KNOP1: variants seen among roughly 807,000 people sequenced by gnomAD.
The protein encoded by KNOP1 is lysine rich nucleolar protein 1.
In KNOP1, 20 loss-of-function variants were observed where a neutral mutation model predicts 30.6. The ratio of observed to expected loss-of-function variants is 0.65; its 90% CI spans 0.46 to 0.95. The LOEUF is 0.95. Among genes scored for constraint, KNOP1 ranks in the 40% least tolerant of loss-of-function variants. The pLI, the probability that KNOP1 is intolerant of heterozygous loss-of-function variation, is 0.00. For missense variants in KNOP1, 540 were observed against 562.0 expected (o/e 0.96, Z 0.40); for synonymous variants, 204 against 210.0 (o/e 0.97, Z 0.25).
At position 19,702,996 on chromosome 16, in the gene KNOP1, T is replaced by C; in HGVS notation, c.*3914A>G. ...GGCGTGGAGTGAGAGTGAGACTGTC[T>C]CAAAAAAAAAAAAAGAAAGAAAAAC... On this transcript the variant is annotated 3_prime_UTR_variant, in exon 5 of 5. Transcript: ENST00000219837. The C allele has an allele frequency of 7.8e-6, 1 of 128,256 alleles. No individual in the cohort carries two copies. Among genetic ancestry groups the C allele is most frequent in the Admixed American group, 7.3e-5 (1 of 13,738 alleles). The allele number at this position is 128,256 out of a possible 1,614,324, so 7.9% of individuals were successfully genotyped here.
intron 1 of KNOP1, among the ~76,000 whole-genome samples, chr16:19,716,951 T>G (rs1304330548): frequency 6.6e-6 from 1 of 152,226 alleles, no homozygotes; most frequent in Non-Finnish European, 1.5e-5. Context: ...CAAGCAATTT[T>G]CACGCCTCAG....
rs74696620 is a variant in KNOP1 at position 19,708,445 on chromosome 16, T to G, written c.1066-1224A>C. 3.8e-3 allele frequency among the ~76,000 whole-genome samples: 567 copies of G among 149,016 alleles called. 2 individuals are homozygous for G. Among genetic ancestry groups the G allele is most frequent in the Non-Finnish European group, 5.0e-3 (336 of 67,406 alleles). On this transcript the variant is annotated intron_variant, in intron 4 of 4. Transcript: ENST00000219837. ...GTGACCCTGCTCAAGTCCCCTAACC[T>G]CTCTAAGCCTTGGTGCCCTCATCTC...
chr16:19,714,038 T>C, intron 2 of KNOP1, 80 bp downstream of exon 2: 2 of 1,253,350 alleles, frequency 1.6e-6, no homozygotes, highest in Non-Finnish European at 2.2e-6. Flanking sequence ...TGTACAAACA[T>C]GCACACACGC....
intron 4 of KNOP1, 81 bp downstream of exon 4, chr16:19,710,428 C>T (rs771797332): frequency 7.2e-7 from 1 of 1,383,100 alleles, no homozygotes; most frequent in East Asian, 2.3e-5. Context: ...TCTCCTGCTC[C>T]ACTCCTCATG....
Position 19,706,192 on chromosome 16 carries a change from A to G in KNOP1, c.*718T>C. On this transcript the variant is annotated 3_prime_UTR_variant, in exon 5 of 5. Transcript: ENST00000219837. ...CGATTCTCCGTTCCTCATTCACTCC[A>G]CTTTTTATCAGAGATGCAGACTTGT... 6.6e-6 allele frequency: 1 copy of G among 152,482 alleles called. No homozygotes were observed. The highest frequency in any genetic ancestry group is 2.1e-4 in the South Asian group (1 of 4,826). The allele number at this position is 152,482 out of a possible 1,614,324, so 9.4% of individuals were successfully genotyped here.
chr16:19,715,912 C>T (rs1977036118), intron 1 of KNOP1, among the ~76,000 whole-genome samples: 1 of 152,216 alleles, frequency 6.6e-6, no homozygotes, highest in Admixed American at 6.5e-5. Flanking sequence ...AGCCAAGTTC[C>T]TGCACTAGAC....
chr16:19,709,239 G>T (rs1392092110), intron 4 of KNOP1, among the ~76,000 whole-genome samples: 2 of 152,184 alleles, frequency 1.3e-5, no homozygotes, highest in Non-Finnish European at 2.9e-5. Flanking sequence ...GACAGTGGCA[G>T]AGCCAGTAGT....
rs767145269 is a variant in KNOP1, at chr16:19,704,104, CAG to C, written c.*2804_*2805del. ...AGTTTTTTTTTGTTTGTTTTTGAGACAGAGTCTCATTCTGTTGCCCGGGGCTA... is the reference window on the plus strand; with the variant it reads ...AGTTTTTTTTTGTTTGTTTTTGAGACAGTCTCATTCTGTTGCCCGGGGCTA... On this transcript the variant is annotated 3_prime_UTR_variant, in exon 5 of 5. Transcript: ENST00000219837. 2 of 152,198 alleles carry C rather than the reference CAG, an allele frequency of 1.3e-5. No individual in the cohort carries two copies. The highest frequency in any genetic ancestry group is 1.5e-5 in the Non-Finnish European group (1 of 68,120). 9.4% of individuals were successfully genotyped at this position (152,198 alleles called of 1,614,324 possible).
In KNOP1 at chr16:19,706,395, G is replaced by A. The variant is rs1217739589; in HGVS notation, c.*515C>T. On this transcript the variant is annotated 3_prime_UTR_variant, in exon 5 of 5. Transcript: ENST00000219837. ...CAGGCAATTTTATTACTTTATCCCT[G>A]AACCTCAGTTGCCTCATCTATAAGA... 1 of 153,574 alleles carries A rather than the reference G, an allele frequency of 6.5e-6. No individual in the cohort carries two copies. Among genetic ancestry groups the A allele is most frequent in the East Asian group, 1.9e-4 (1 of 5,190 alleles). 9.5% of individuals were successfully genotyped at this position (153,574 alleles called of 1,614,324 possible).
At chr16:19,708,735 G>A (rs574281982) in intron 4 of KNOP1, among the ~76,000 whole-genome samples, 1 of 152,246 alleles carries the variant, frequency 6.6e-6, no homozygotes, top group South Asian at 2.1e-4. Flanking sequence ...TGAGTGAACC[G>A]GTGACACATT....
At position 19,703,766 on chromosome 16, in the gene KNOP1, T is replaced by G. The variant is rs1976255092; in HGVS notation, c.*3144A>C. The G allele has an allele frequency of 6.6e-6, 1 of 152,180 alleles. No individual in the cohort carries two copies. The highest frequency in any genetic ancestry group is 1.5e-5 in the Non-Finnish European group (1 of 68,052). 9.4% of individuals were successfully genotyped at this position (152,180 alleles called of 1,614,324 possible). A position where few individuals can be genotyped will look rare whatever the true frequency, so the allele number is the denominator to read the frequency against. ...TCATCTGAGAGATGGTGATCTGCAC[T>G]GGCAGAAAGCAAAAGGACAAGATTA... On this transcript the variant is annotated 3_prime_UTR_variant, in exon 5 of 5. Coordinates refer to ENST00000219837, the MANE Select transcript of KNOP1 (RefSeq NM_001012991.3).
At position 19,706,838 on chromosome 16, in the gene KNOP1, A is replaced by T; in HGVS notation, c.*72T>A. 6.6e-7 allele frequency: 1 copy of T among 1,526,340 alleles called. No individual in the cohort carries two copies. The highest frequency in any genetic ancestry group is 2.1e-5 in the Admixed American group (1 of 46,868). The allele number at this position is 1,526,340 out of a possible 1,614,324, so 94.5% of individuals were successfully genotyped here. A position where few individuals can be genotyped will look rare whatever the true frequency, so the allele number is the denominator to read the frequency against. ...AAGATCTGATTTTTTCACAAAAAAA[A>T]TTTGTAATCTCCAGCATAAATGGAA... On this transcript the variant is annotated 3_prime_UTR_variant, in exon 5 of 5. Transcript: ENST00000219837.
chr16:19,711,342 G>A (rs1355126625), intron 3 of KNOP1, 30 bp downstream of exon 3: 5 of 1,611,224 alleles, frequency 3.1e-6, no homozygotes, highest in South Asian at 2.2e-5. Flanking sequence ...GGAGGCAGCG[G>A]GAGGGGCCTG....
In KNOP1 at chr16:19,711,447, G is replaced by C. The variant is rs1277249671; in HGVS notation, c.919-7C>G. 1.9e-6 allele frequency: 3 copies of C among 1,614,044 alleles called. No homozygotes were observed. The Admixed American group carries it at 5.0e-5, about 27-fold the overall frequency. ...CTAAGTCCGTGTCTGTTTCCTGCAG[G>C]AGAGGGCAGAGCTGGCTAAGGTTCA... On this transcript the variant is annotated splice_region_variant and splice_polypyrimidine_tract_variant and intron_variant, in intron 2 of 4. Transcript: ENST00000219837.
Sources: gnomAD v4.1 joint callset for allele counts (sites outside exome capture counted in the v4.1 genomes callset) on GRCh38, gnomAD v4.1.1 for gene constraint, MANE v1.5 for transcripts, NCBI Gene and HGNC (gene_info 2026-07-23, HGNC 2026-07-21) for gene names.